KLF12: variants seen among roughly 807,000 people sequenced by gnomAD.
KLF12 encodes Krueppel-like factor 12.
In KLF12, 9 loss-of-function variants were observed where a neutral mutation model predicts 37.8. The ratio of observed to expected loss-of-function variants is 0.24; its 90% CI spans 0.14 to 0.42. The LOEUF (loss-of-function observed/expected upper bound fraction) is 0.42. KLF12 is among the 10% of genes least tolerant of loss of function. KLF12 has a pLI of 1.00. For synonymous variants in KLF12, 208 were observed against 202.1 expected, an observed-to-expected ratio of 1.03 and a Z score of -0.25; for missense variants, 411 against 516.0, an observed-to-expected ratio of 0.80 and a Z score of 1.97.
chr13:73,904,469 CTTTTTTT>C (rs11342071), intron 3 of KLF12, among the ~76,000 whole-genome samples: 2 of 92,030 alleles, frequency 2.2e-5, no homozygotes, highest in African/African-American at 4.5e-5. Flanking sequence ...TCTTTCTTTC[CTTTTTTT>C]TTTTTTTTTT....
At chr13:74,228,815 TA>T in the KLF12 span, among the ~76,000 whole-genome samples, 660 of 135,032 alleles carry the variant, frequency 4.9e-3, 5 homozygotes, top group African/African-American at 0.023. Context: ...TATTTTTCTT[TA>T]AAAAAAAAGT....
the KLF12 span, among the ~76,000 whole-genome samples, chr13:74,189,579 A>G: frequency 6.6e-6 from 1 of 152,202 alleles, no homozygotes; most frequent in Non-Finnish European, 1.5e-5. Flanking sequence ...TAGGTAATAT[A>G]GTCACATGGT....
intron 3 of KLF12, among the ~76,000 whole-genome samples, chr13:73,922,582 G>C (rs1465624165): frequency 6.6e-6 from 1 of 152,126 alleles, no homozygotes; most frequent in African/African-American, 2.4e-5. Flanking sequence ...CCAGGAGAGA[G>C]GCAGATTCCT....
At chr13:73,829,467 T>C (rs922049072) in intron 4 of KLF12, among the ~76,000 whole-genome samples, 2 of 152,192 alleles carry the variant, frequency 1.3e-5, no homozygotes, top group South Asian at 2.1e-4. Flanking sequence ...ACTAGTTTCA[T>C]TTGGTTTATA....
At chr13:73,751,084 A>C (rs1228051675) in intron 6 of KLF12, among the ~76,000 whole-genome samples, 1 of 152,178 alleles carries the variant, frequency 6.6e-6, no homozygotes, top group African/African-American at 2.4e-5. Context: ...GAGTAGAAAG[A>C]AGTGAATCTA....
At chr13:74,088,522 C>T (rs75847462) in intron 1 of KLF12, among the ~76,000 whole-genome samples, 1 of 152,054 alleles carries the variant, frequency 6.6e-6, no homozygotes, top group African/African-American at 2.4e-5. Context: ...GCCACCGTGC[C>T]GAGCCCTAGA....
At chr13:74,300,394 A>G in the KLF12 span, among the ~76,000 whole-genome samples, 1 of 152,212 alleles carries the variant, frequency 6.6e-6, no homozygotes, top group African/African-American at 2.4e-5. Flanking sequence ...TGGGGTTGTT[A>G]AAGATGACCT....
At chr13:74,222,220 T>C in the KLF12 span, among the ~76,000 whole-genome samples, 1 of 152,270 alleles carries the variant, frequency 6.6e-6, no homozygotes, top group Non-Finnish European at 1.5e-5. Context: ...TCTAATTTTC[T>C]TTCAGAGGAA....
chr13:73,958,116 A>G (rs1177554780), intron 2 of KLF12, among the ~76,000 whole-genome samples: 3 of 152,238 alleles, frequency 2.0e-5, no homozygotes, highest in Non-Finnish European at 2.9e-5. Flanking sequence ...GTCCAAATTT[A>G]GATGTATGCA....
At chr13:74,201,184 G>A in the KLF12 span, among the ~76,000 whole-genome samples, 2 of 152,142 alleles carry the variant, frequency 1.3e-5, no homozygotes, top group African/African-American at 2.4e-5. Context: ...TAGGATACAA[G>A]GAGAGATGTA....
chr13:74,103,716 C>G (rs1477408564), intron 1 of KLF12, among the ~76,000 whole-genome samples: 1 of 152,096 alleles, frequency 6.6e-6, no homozygotes, highest in Non-Finnish European at 1.5e-5. Flanking sequence ...ACTAAAAAGA[C>G]AACTTCCAGG....
chr13:74,215,919 G>A, the KLF12 span, among the ~76,000 whole-genome samples: 2 of 152,120 alleles, frequency 1.3e-5, no homozygotes, highest in African/African-American at 4.8e-5. Flanking sequence ...CATGAATCTG[G>A]AGCATTTTCT....
At chr13:74,277,983 G>A in the KLF12 span, among the ~76,000 whole-genome samples, 3 of 152,178 alleles carry the variant, frequency 2.0e-5, no homozygotes, top group Non-Finnish European at 4.4e-5. Flanking sequence ...GGAGACAAGG[G>A]TAGGAGGAGA....
intron 6 of KLF12, among the ~76,000 whole-genome samples, chr13:73,759,327 T>C (rs1447588735): frequency 6.6e-6 from 1 of 152,170 alleles, no homozygotes; most frequent in Non-Finnish European, 1.5e-5. Flanking sequence ...ATTTTTGCTC[T>C]GTAAGTCAAG....
chr13:74,155,155 C>T, the KLF12 span, among the ~76,000 whole-genome samples: 1 of 152,136 alleles, frequency 6.6e-6, no homozygotes, highest in East Asian at 1.9e-4. Context: ...CAAGTCTTGT[C>T]TAAGGTTTGA....
the KLF12 span, among the ~76,000 whole-genome samples, chr13:74,209,228 G>A: frequency 6.6e-6 from 1 of 151,956 alleles, no homozygotes; most frequent in African/African-American, 2.4e-5. Context: ...GTTACTCTCG[G>A]TGAAGTGCAG....
chr13:74,005,479 T>C (rs976825157), intron 1 of KLF12, among the ~76,000 whole-genome samples: 2 of 152,240 alleles, frequency 1.3e-5, no homozygotes, highest in Non-Finnish European at 2.9e-5. Flanking sequence ...TGCTGCACTT[T>C]GGGGAAGCAC....
At chr13:73,759,713 G>A (rs181946623) in intron 6 of KLF12, among the ~76,000 whole-genome samples, 29 of 152,268 alleles carry the variant, frequency 1.9e-4, no homozygotes, top group Middle Eastern at 3.4e-3. Context: ...GGCATGTAAC[G>A]TTTTTGTCTG....
intron 1 of KLF12, among the ~76,000 whole-genome samples, chr13:74,086,141 T>A (rs1030929257): frequency 2.0e-5 from 3 of 152,010 alleles, no homozygotes; most frequent in Admixed American, 1.3e-4. Context: ...TATTACACTT[T>A]AAGTTTTAGG....
Sources: gnomAD v4.1 joint callset for allele counts (sites outside exome capture counted in the v4.1 genomes callset) on GRCh38, gnomAD v4.1.1 for gene constraint, MANE v1.5 for transcripts, NCBI Gene and HGNC (gene_info 2026-07-23, HGNC 2026-07-21) for gene names.